EFR3A: variants seen among roughly 807,000 people sequenced by gnomAD.
EFR3A encodes the protein protein EFR3 homolog A.
In EFR3A, 76 loss-of-function variants were observed where a neutral mutation model predicts 104.4. The observed-to-expected ratio is 0.73, with a 90% CI of 0.60 to 0.88. The LOEUF is 0.88. Among genes scored for constraint, EFR3A ranks in the 40% least tolerant of loss-of-function variants. The pLI is 0.00. For synonymous variants in EFR3A, 330 were observed against 330.0 expected (o/e 1.00, Z 0.00); for missense variants, 985 against 1,012.5 (o/e 0.97, Z 0.37).
At position 131,949,989 on chromosome 8, in the gene EFR3A, T is replaced by C. The variant is rs543671178; in HGVS notation, c.387T>C (p.Ile129=). 36 of 1,595,102 alleles carry C rather than the reference T, an allele frequency of 2.3e-5. No homozygotes were observed. In the South Asian group the frequency reaches 4.0e-4, roughly 18 times the overall value. ...TTTAGTTTGTCAAATTTGCAAATAT[T>C]GAAGAAGACACACCATCCTATCACA... is the stretch of plus-strand genomic sequence containing the variant. ...GTNSFVKFAN[I]EEDTPSYHRR... is the part of the protein sequence containing the mutation. The change falls in exon 5 of 23, where the codon ATT becomes ATC. Residue 129 remains isoleucine (I), a synonymous_variant. Coordinates refer to ENST00000254624, the MANE Select transcript of EFR3A (RefSeq NM_015137.6).
intron 8 of EFR3A, among the ~76,000 whole-genome samples, chr8:131,961,777 A>G (rs1395007758): frequency 6.6e-6 from 1 of 152,248 alleles, no homozygotes; most frequent in Non-Finnish European, 1.5e-5. Context: ...CAAAGTTGAA[A>G]TGAAGGAAAA....
At chr8:131,947,561 A>G (rs1818502263) in intron 4 of EFR3A, among the ~76,000 whole-genome samples, 2 of 150,230 alleles carry the variant, frequency 1.3e-5, no homozygotes. Context: ...TTGGTGTGTA[A>G]TGTGTGTTTG....
At chr8:131,953,019 A>G (rs1431820121) in intron 5 of EFR3A, among the ~76,000 whole-genome samples, 1 of 152,192 alleles carries the variant, frequency 6.6e-6, no homozygotes, top group Non-Finnish European at 1.5e-5. Context: ...TCATTGGGCC[A>G]CCAAGTTAGC....
chr8:131,920,983 A>G (rs906018334), intron 1 of EFR3A, among the ~76,000 whole-genome samples: 2 of 152,156 alleles, frequency 1.3e-5, no homozygotes, highest in Non-Finnish European at 2.9e-5. Flanking sequence ...GGAGCAGGGA[A>G]TTCTTGGAGT....
chr8:131,947,906 C>G (rs1818515233), intron 4 of EFR3A, among the ~76,000 whole-genome samples: 1 of 152,062 alleles, frequency 6.6e-6, no homozygotes, highest in Non-Finnish European at 1.5e-5. Flanking sequence ...TGAACTATTT[C>G]TGCTCACCAC....
intron 2 of EFR3A, among the ~76,000 whole-genome samples, chr8:131,943,934 A>C (rs1038838571): frequency 6.6e-6 from 1 of 152,104 alleles, no homozygotes; most frequent in Non-Finnish European, 1.5e-5. Context: ...AAAACGGAGT[A>C]GGTACAAAAT....
At chr8:131,966,317 C>A (rs1021307652) in intron 8 of EFR3A, among the ~76,000 whole-genome samples, 1 of 152,094 alleles carries the variant, frequency 6.6e-6, no homozygotes, top group African/African-American at 2.4e-5. Context: ...GGAGTAATTA[C>A]GGTGAACCTA....
chr8:132,002,633 A>C lies in EFR3A; in HGVS notation c.2237A>C (p.Glu746Ala). Residue 746 changes from glutamate (E) to alanine (A), a missense_variant, in exon 21 of 23, where the codon GAA becomes GCA. Coordinates refer to ENST00000254624, the MANE Select transcript of EFR3A (RefSeq NM_015137.6). ...AGTGGAATGGAAGAACAGGAAAAGG[A>C]AAAGAGGCGTCTTGTGATAGAGAAA... Reference protein sequence around the residue: ...DTSGMEEQEKEKRRLVIEKFQ... With the variant: ...DTSGMEEQEKAKRRLVIEKFQ... 1 of 1,613,758 alleles carries C rather than the reference A, an allele frequency of 6.2e-7. No homozygotes were observed. The highest frequency in any genetic ancestry group is 8.5e-7 in the Non-Finnish European group (1 of 1,179,708).
At chr8:131,964,755 C>T (rs957865365) in intron 8 of EFR3A, among the ~76,000 whole-genome samples, 5 of 152,116 alleles carry the variant, frequency 3.3e-5, no homozygotes, top group Non-Finnish European at 5.9e-5. Flanking sequence ...GCCCGCATTG[C>T]CAAGTCAATG....
chr8:131,961,410 G>C (rs1213162990), intron 8 of EFR3A, among the ~76,000 whole-genome samples: 2 of 152,310 alleles, frequency 1.3e-5, no homozygotes, highest in South Asian at 4.1e-4. Context: ...ACTACTTGAC[G>C]AATGCACAAG....
chr8:131,938,964 A>G (rs1818035921), intron 1 of EFR3A, among the ~76,000 whole-genome samples: 1 of 152,050 alleles, frequency 6.6e-6, no homozygotes, highest in Non-Finnish European at 1.5e-5. Context: ...CCCTCCTGCT[A>G]TTGATATAGT....
chr8:131,904,207 C>CCT lies in EFR3A; in HGVS notation c.-106_-105insCT. On this transcript the variant is annotated 5_prime_UTR_variant, in exon 1 of 23. Transcript: ENST00000254624. ...CCACCCTTCGCCCTTCGCCCTTCGCCTCGTTCCGGCCTCCGCGGCCCAGCA... is the reference window on the plus strand; with the variant it reads ...CCACCCTTCGCCCTTCGCCCTTCGCCCTTCGTTCCGGCCTCCGCGGCCCAGCA... 1 of 1,217,504 alleles carries CCT rather than the reference C, an allele frequency of 8.2e-7. No individual in the cohort carries two copies. Among genetic ancestry groups the CCT allele is most frequent in the Non-Finnish European group, 1.0e-6 (1 of 967,360 alleles). 75.4% of individuals were successfully genotyped at this position (1,217,504 alleles called of 1,614,324 possible).
rs2130752038 is a variant in EFR3A at position 131,984,140 on chromosome 8, A to G, written c.1577A>G (p.Asn526Ser). The change falls in exon 15 of 23, where the codon AAT becomes AGT. Residue 526 changes from asparagine to serine, a missense_variant and splice_region_variant. Transcript: ENST00000254624. ...TTGTCCTCTGTCTTTTCTCCTCAGAATGGGCAACAGCTGTATCGGCACATA... is the reference window on the plus strand; with the variant it reads ...TTGTCCTCTGTCTTTTCTCCTCAGAGTGGGCAACAGCTGTATCGGCACATA... ...CRQDTSFMKK[N>S]GQQLYRHIYL... 1 of 1,596,610 alleles carries G rather than the reference A, an allele frequency of 6.3e-7. No individual in the cohort carries two copies. The highest frequency in any genetic ancestry group is 1.8e-5 in the Admixed American group (1 of 56,246).
intron 10 of EFR3A, among the ~76,000 whole-genome samples, chr8:131,972,732 A>T (rs182847989): frequency 6.6e-6 from 1 of 152,212 alleles, no homozygotes; most frequent in African/African-American, 2.4e-5. Context: ...TAACCTAATA[A>T]TAGTTTCAAT....
At position 131,984,137 on chromosome 8, in the gene EFR3A, AG is replaced by A. The variant is rs766751754; in HGVS notation, c.1576-1del. The stretch of plus-strand genomic sequence containing the variant: ...CCTTTGTCCTCTGTCTTTTCTCCTC[AG>A]AATGGGCAACAGCTGTATCGGCACA... On this transcript the variant is annotated splice_acceptor_variant, in intron 14 of 22. Transcript: ENST00000254624. LOFTEE classifies it high-confidence loss of function. 3.1e-6 allele frequency: 5 copies of A among 1,593,312 alleles called. No individual in the cohort carries two copies. The highest frequency in any genetic ancestry group is 1.4e-5 in the African/African-American group (1 of 73,924).
intron 8 of EFR3A, among the ~76,000 whole-genome samples, chr8:131,963,891 T>G (rs1450693957): frequency 5.3e-5 from 8 of 152,164 alleles, no homozygotes; most frequent in Non-Finnish European, 1.2e-4. Flanking sequence ...GTGGGCTTCA[T>G]CCCTGGGATG....
intron 1 of EFR3A, among the ~76,000 whole-genome samples, chr8:131,910,635 C>G (rs1429933096): frequency 6.6e-6 from 1 of 152,230 alleles, no homozygotes; most frequent in African/African-American, 2.4e-5. Context: ...TTCCCACCCA[C>G]ACACACCTCT....
chr8:131,905,609 G>A (rs966923645), intron 1 of EFR3A, among the ~76,000 whole-genome samples: 1 of 152,050 alleles, frequency 6.6e-6, no homozygotes, highest in Non-Finnish European at 1.5e-5. Flanking sequence ...CTTGGACTTC[G>A]CATCCAGTAA....
chr8:131,930,154 G>GT (rs1408049073), intron 1 of EFR3A, among the ~76,000 whole-genome samples: 1 of 152,122 alleles, frequency 6.6e-6, no homozygotes, highest in Admixed American at 6.6e-5. Context: ...ACTCTTAAGA[G>GT]TTTGTTTATT....
Sources: gnomAD v4.1 joint callset for allele counts (sites outside exome capture counted in the v4.1 genomes callset) on GRCh38, gnomAD v4.1.1 for gene constraint, MANE v1.5 for transcripts, NCBI Gene and HGNC (gene_info 2026-07-23, HGNC 2026-07-21) for gene names.